Variants in NKAIN1 observed in about 807,000 individuals in gnomAD.
The protein encoded by NKAIN1 is sodium/potassium transporting ATPase interacting 1.
In NKAIN1, 13 loss-of-function variants were observed where a neutral mutation model predicts 31.6. That is an observed-to-expected ratio of 0.41 (90% CI 0.27 to 0.65). The LOEUF (loss-of-function observed/expected upper bound fraction) is 0.65. NKAIN1 is among the 30% of genes least tolerant of loss of function. NKAIN1 has a pLI of 0.30. For missense variants in NKAIN1, 193 were observed against 262.2 expected, an observed-to-expected ratio of 0.74 and a Z score of 1.82; for synonymous variants, 104 against 109.0, an observed-to-expected ratio of 0.95 and a Z score of 0.28.
intron 1 of NKAIN1, among the ~76,000 whole-genome samples, chr1:31,224,313 A>C (rs1645585707): frequency 1.3e-5 from 2 of 152,188 alleles, no homozygotes; most frequent in African/African-American, 4.8e-5. Context: ...AACAGGGAGG[A>C]AGCGGGAAGG....
intron 1 of NKAIN1, among the ~76,000 whole-genome samples, chr1:31,213,087 C>G (rs1288704827): frequency 7.3e-6 from 1 of 137,042 alleles, no homozygotes; most frequent in Non-Finnish European, 1.6e-5. Flanking sequence ...AGGGTACTAT[C>G]AAGAAAGTGA....
chr1:31,206,289 GAAAT>G (rs1645423735), intron 1 of NKAIN1, among the ~76,000 whole-genome samples: 1 of 88,580 alleles, frequency 1.1e-5, no homozygotes, highest in South Asian at 3.3e-4. Flanking sequence ...GTTTAAATGA[GAAAT>G]AAACATTTTA....
chr1:31,207,793 A>C (rs1351672199), intron 1 of NKAIN1, among the ~76,000 whole-genome samples: 2 of 152,116 alleles, frequency 1.3e-5, no homozygotes, highest in Non-Finnish European at 2.9e-5. Flanking sequence ...GGGGACTTGC[A>C]CTGAGCCCGC....
intron 1 of NKAIN1, among the ~76,000 whole-genome samples, chr1:31,205,207 T>C (rs1004131755): frequency 4.6e-5 from 7 of 152,040 alleles, no homozygotes; most frequent in Non-Finnish European, 1.5e-5. Flanking sequence ...CTCGGCTCAC[T>C]GCAACCTCTG....
rs1413222669 is a variant in NKAIN1, at chr1:31,181,395, G to A, written c.*308C>T. The A allele has an allele frequency of 5.9e-6, 2 of 338,114 alleles. No individual in the cohort carries two copies. Among genetic ancestry groups the A allele is most frequent in the African/African-American group, 4.3e-5 (2 of 47,020 alleles). 20.9% of individuals were successfully genotyped at this position (338,114 alleles called of 1,614,324 possible). A position where few individuals can be genotyped will look rare whatever the true frequency, so the allele number is the denominator to read the frequency against. On this transcript the variant is annotated 3_prime_UTR_variant, in exon 7 of 7. Coordinates refer to ENST00000373736, the MANE Select transcript of NKAIN1 (RefSeq NM_024522.3). The stretch of plus-strand genomic sequence containing the variant: ...AGAGTGAAAGGGAGAGGCTGGAGAA[G>A]AGAGGAAGGCCCCAGCTCACGCCAA...
At chr1:31,194,748 T>C (rs1264072765) in intron 1 of NKAIN1, among the ~76,000 whole-genome samples, 1 of 145,874 alleles carries the variant, frequency 6.9e-6, no homozygotes, top group Non-Finnish European at 1.5e-5. Flanking sequence ...TTTCCTTCCT[T>C]CCTTTTCTCT....
At chr1:31,187,077 C>T (rs755908007) in intron 2 of NKAIN1, among the ~76,000 whole-genome samples, 3 of 152,126 alleles carry the variant, frequency 2.0e-5, no homozygotes, top group Non-Finnish European at 2.9e-5. Flanking sequence ...GAAGTGTTCT[C>T]TTATGTCAGA....
chr1:31,237,869 A>G (rs1645703604), intron 1 of NKAIN1, among the ~76,000 whole-genome samples: 1 of 152,104 alleles, frequency 6.6e-6, no homozygotes, highest in Non-Finnish European at 1.5e-5. Context: ...TATGTATATT[A>G]CTTTTCTAAT....
chr1:31,202,443 C>T (rs1029541442), intron 1 of NKAIN1, among the ~76,000 whole-genome samples: 15 of 152,042 alleles, frequency 9.9e-5, no homozygotes, highest in East Asian at 5.8e-4. Context: ...TTTGGGAGGC[C>T]GAGGTGGGCG....
chr1:31,182,658 G>A (rs1645212487), intron 4 of NKAIN1, 68 bp from the exon 5 acceptor site: 1 of 1,565,706 alleles, frequency 6.4e-7, no homozygotes. Context: ...CCCCTGCCGG[G>A]CCCTGTACGC....
At chr1:31,182,462 A>C in intron 5 of NKAIN1, 68 bp downstream of exon 5, 1 of 1,564,524 alleles carries the variant, frequency 6.4e-7, no homozygotes, top group African/African-American at 1.4e-5. Flanking sequence ...GGCCAGTCAC[A>C]GGCCTCTGTC....
intron 1 of NKAIN1, among the ~76,000 whole-genome samples, chr1:31,221,942 G>A (rs968863221): frequency 2.6e-5 from 4 of 151,720 alleles, no homozygotes; most frequent in African/African-American, 7.3e-5. Flanking sequence ...GCAGTGGTGC[G>A]ATCTTGGCTC....
rs1645259584 is a variant in NKAIN1, at chr1:31,188,202, G to T, written c.55-15C>A. On this transcript the variant is annotated splice_polypyrimidine_tract_variant and intron_variant, in intron 1 of 6. Transcript: ENST00000373736. The stretch of plus-strand genomic sequence containing the variant: ...AGCGCAGCCACCTGTGGAAGAGACA[G>T]GCTGAGGCCACTGTCACCCCCCTGA... 1 of 1,550,678 alleles carries T rather than the reference G, an allele frequency of 6.4e-7. No individual in the cohort carries two copies. Among genetic ancestry groups the T allele is most frequent in the East Asian group, 2.4e-5 (1 of 40,912 alleles).
At chr1:31,196,729 TAA>T (rs1645330735) in intron 1 of NKAIN1, among the ~76,000 whole-genome samples, 1 of 79,726 alleles carries the variant, frequency 1.3e-5, no homozygotes, top group African/African-American at 3.0e-5. Context: ...AATAAATAAA[TAA>T]ATAAATAAAT....
intron 3 of NKAIN1, among the ~76,000 whole-genome samples, chr1:31,184,331 C>T (rs190835454): frequency 1.3e-5 from 2 of 152,114 alleles, no homozygotes; most frequent in Non-Finnish European, 2.9e-5. Flanking sequence ...CACTGCTCCC[C>T]CTGTGTGCGA....
chr1:31,189,078 C>G (rs892655399), intron 1 of NKAIN1, among the ~76,000 whole-genome samples: 2 of 151,420 alleles, frequency 1.3e-5, no homozygotes, highest in Non-Finnish European at 2.9e-5. Flanking sequence ...TCACTTATAA[C>G]AAGACCACCT....
At chr1:31,214,516 T>C (rs752060994) in intron 1 of NKAIN1, among the ~76,000 whole-genome samples, 4 of 151,998 alleles carry the variant, frequency 2.6e-5, no homozygotes, top group Admixed American at 2.6e-4. Context: ...GAGCTTACAT[T>C]CAGTGTATGT....
At position 31,238,542 on chromosome 1, in the gene NKAIN1, G is replaced by C. The variant is rs545916835; in HGVS notation, c.54+952C>G. ...ACCACCCTCCCAAATTCCCCTGCCA[G>C]GGCCTGATTTGAAGGGCAGTGCTGT... is the stretch of plus-strand genomic sequence containing the variant. On this transcript the variant is annotated intron_variant, in intron 1 of 6. Transcript: ENST00000373736. Among the ~76,000 whole-genome samples, 246 of 152,276 alleles carry C rather than the reference G, an allele frequency of 1.6e-3. 1 individual carries two copies. Among genetic ancestry groups the C allele is most frequent in the African/African-American group, 5.8e-3 (243 of 41,560 alleles).
chr1:31,213,035 T>C (rs1342830960), intron 1 of NKAIN1, among the ~76,000 whole-genome samples: 1 of 89,184 alleles, frequency 1.1e-5, no homozygotes, highest in Non-Finnish European at 2.7e-5. Flanking sequence ...AAAAAGCTTT[T>C]TCTTTTGTTT....
Sources: gnomAD v4.1 joint callset for allele counts (sites outside exome capture counted in the v4.1 genomes callset) on GRCh38, gnomAD v4.1.1 for gene constraint, MANE v1.5 for transcripts, NCBI Gene and HGNC (gene_info 2026-07-23, HGNC 2026-07-21) for gene names.